Variants in SAMMSON observed in about 807,000 individuals in gnomAD.
The protein encoded by SAMMSON is long intergenic non-protein coding RNA 1212.
intron 6 of SAMMSON, among the ~76,000 whole-genome samples, chr3:70,291,006 A>G (rs1442334172): frequency 6.6e-6 from 1 of 152,158 alleles, no homozygotes; most frequent in East Asian, 1.9e-4. Context: ...GGAAATGCAG[A>G]AATCACCGGT....
Position 70,089,172 on chromosome 3 carries a change from T to C in SAMMSON, n.507+17607T>C, listed in dbSNP as rs569316818. 2.1e-4 allele frequency among the ~76,000 whole-genome samples: 32 copies of C among 152,298 alleles called. 1 individual carries two copies. The South Asian group carries it at 6.0e-3, about 29-fold the overall frequency. ...TATATTCTGACTTTTCCCAAGAAGA[T>C]AGGTTTATTTGAGGATCTCTCTAAA... On this transcript the variant is annotated intron_variant and non_coding_transcript_variant, in intron 4 of 9. Coordinates refer to ENST00000642114, the Ensembl canonical transcript of SAMMSON.
intron 4 of SAMMSON, among the ~76,000 whole-genome samples, chr3:70,119,075 A>T (rs202186726): frequency 4.0e-5 from 6 of 151,554 alleles, no homozygotes; most frequent in African/African-American, 1.2e-4. Flanking sequence ...ATTTATTATT[A>T]TTTTTTTTGA....
chr3:70,318,844 G>C (rs113491222), intron 7 of SAMMSON, among the ~76,000 whole-genome samples: 18 of 151,900 alleles, frequency 1.2e-4, no homozygotes, highest in African/African-American at 3.9e-4. Context: ...TCTGATAATG[G>C]GTCATTTTCA....
chr3:70,003,214 C>A (rs978379126), intron 1 of SAMMSON, among the ~76,000 whole-genome samples: 4 of 151,952 alleles, frequency 2.6e-5, no homozygotes, highest in African/African-American at 7.2e-5. Flanking sequence ...AAATATTTTG[C>A]CTTCAACCAT....
chr3:70,085,151 A>G (rs547571853), intron 4 of SAMMSON, among the ~76,000 whole-genome samples: 1 of 152,308 alleles, frequency 6.6e-6, no homozygotes, highest in Non-Finnish European at 1.5e-5. Context: ...ACCTTTTCCA[A>G]CTGTATACTG....
At position 70,093,807 on chromosome 3, in the gene SAMMSON, C is replaced by T. The variant is rs114180388; in HGVS notation, n.507+22242C>T. Among the ~76,000 whole-genome samples the T allele has an allele frequency of 7.7e-3, 1,173 of 152,176 alleles. 6 individuals are homozygous for T. The highest frequency in any genetic ancestry group is 0.027 in the Middle Eastern group (8 of 294). On this transcript the variant is annotated intron_variant and non_coding_transcript_variant, in intron 4 of 9. Transcript: ENST00000642114. The stretch of plus-strand genomic sequence containing the variant: ...CTTCTGAAGAAAGTGTTTGAAATGA[C>T]GCCTGGAGCAAAACCATATTGGCCC...
At chr3:70,098,525 G>A (rs917542752) in intron 4 of SAMMSON, among the ~76,000 whole-genome samples, 11 of 151,920 alleles carry the variant, frequency 7.2e-5, no homozygotes, top group African/African-American at 1.2e-4. Context: ...CTGCCACTAC[G>A]CCTGGCTAAT....
At chr3:70,215,369 A>G (rs761466168) in intron 4 of SAMMSON, among the ~76,000 whole-genome samples, 4 of 152,128 alleles carry the variant, frequency 2.6e-5, no homozygotes, top group Admixed American at 6.6e-5. Flanking sequence ...TATGAGCTTG[A>G]GATACTTTTC....
At chr3:70,118,100 T>C (rs542169093) in intron 4 of SAMMSON, among the ~76,000 whole-genome samples, 1 of 152,118 alleles carries the variant, frequency 6.6e-6, no homozygotes, top group African/African-American at 2.4e-5. Context: ...GTTTTTTATT[T>C]TTAGTAGAGA....
intron 4 of SAMMSON, among the ~76,000 whole-genome samples, chr3:70,100,164 T>G (rs2067338191): frequency 6.6e-6 from 1 of 152,118 alleles, no homozygotes; most frequent in Non-Finnish European, 1.5e-5. Context: ...TTTTTTAATT[T>G]GAGACAGGGT....
chr3:70,426,567 CCTCTTCTTCCTT>C (rs1405133610), intron 2 of SAMMSON, among the ~76,000 whole-genome samples: 2 of 152,202 alleles, frequency 1.3e-5, no homozygotes, highest in Non-Finnish European at 2.9e-5. Context: ...TCTTCCTCCT[CCTCTTCTTCCTT>C]CTCTTCTTCA....
intron 4 of SAMMSON, among the ~76,000 whole-genome samples, chr3:70,091,791 A>G (rs761307740): frequency 6.6e-6 from 1 of 152,132 alleles, no homozygotes; most frequent in African/African-American, 2.4e-5. Context: ...TCTAAACTGT[A>G]TTCTTCTAAA....
intron 7 of SAMMSON, among the ~76,000 whole-genome samples, chr3:70,328,996 T>C (rs954486265): frequency 3.3e-5 from 5 of 152,134 alleles, no homozygotes; most frequent in Non-Finnish European, 7.4e-5. Flanking sequence ...TCAGAAATCA[T>C]GCAAACTAGA....
downstream of SAMMSON, among the ~76,000 whole-genome samples, chr3:70,392,006 C>A (rs1183905731): frequency 6.6e-6 from 1 of 152,092 alleles, no homozygotes; most frequent in Non-Finnish European, 1.5e-5. Context: ...GTGAGACAAG[C>A]CCATCTGCTC....
intron 3 of SAMMSON, among the ~76,000 whole-genome samples, chr3:70,021,798 G>GT (rs1404351896): frequency 1.3e-5 from 2 of 152,002 alleles, no homozygotes; most frequent in East Asian, 1.9e-4. Flanking sequence ...GTACAAATCT[G>GT]TTTTTTTGGA....
chr3:70,168,413 C>T (rs1349053078), intron 4 of SAMMSON, among the ~76,000 whole-genome samples: 1 of 151,956 alleles, frequency 6.6e-6, no homozygotes, highest in Non-Finnish European at 1.5e-5. Context: ...GCACATGGAG[C>T]TTATGCCACC....
At chr3:70,071,507 TAAAA>T (rs890661461) in exon 4 of SAMMSON, 2 of 151,998 alleles carry the variant, frequency 1.3e-5, no homozygotes, top group Admixed American at 6.6e-5. Flanking sequence ...TAGCAGAGTC[TAAAA>T]TGCTGACATT....
At chr3:70,172,820 T>C (rs1016575203) in intron 4 of SAMMSON, 4 of 152,070 alleles carry the variant, frequency 2.6e-5, no homozygotes, top group Middle Eastern at 6.8e-3. Flanking sequence ...CTGAACAAAA[T>C]CTGAGTTCTT....
At chr3:70,419,468 TG>T (rs1178540549) in intron 2 of SAMMSON, among the ~76,000 whole-genome samples, 2 of 152,204 alleles carry the variant, frequency 1.3e-5, no homozygotes, top group African/African-American at 4.8e-5. Flanking sequence ...GTTCCCTTTA[TG>T]TTTGATCAGT....
Sources: allele counts gnomAD v4.1 joint callset (sites outside exome capture counted in the v4.1 genomes callset), GRCh38; gene constraint gnomAD v4.1.1; transcripts MANE v1.5; gene names NCBI Gene and HGNC (gene_info 2026-07-23, HGNC 2026-07-21).